The following ZFHX3 variants were observed in gnomAD, a reference collection of about 807,000 sequenced individuals.
ZFHX3 encodes zinc finger homeobox protein 3.
Under a neutral mutation model 279.1 loss-of-function variants are expected in ZFHX3, and 42 were observed. The observed-to-expected ratio is 0.15, with a 90% confidence interval of 0.12 to 0.19. The LOEUF (loss-of-function observed/expected upper bound fraction) is 0.19. ZFHX3 is among the 10% of genes least tolerant of loss of function. The pLI, the probability that ZFHX3 is intolerant of heterozygous loss-of-function variation, is 1.00. For synonymous variants in ZFHX3, 2,293 were observed against 1,957.8 expected (o/e 1.17, Z -4.52); for missense variants, 4,981 against 4,754.0 (o/e 1.05, Z -1.40).
At chr16:73,070,901 T>G (rs1235880500) in intron 8 of ZFHX3, among the ~76,000 whole-genome samples, 1 of 141,884 alleles carries the variant, frequency 7.0e-6, no homozygotes, top group African/African-American at 2.6e-5. Flanking sequence ...TGCGGGCTGG[T>G]TCCTAGACCG....
intron 2 of ZFHX3, among the ~76,000 whole-genome samples, chr16:73,567,188 A>T (rs780962680): frequency 2.0e-5 from 3 of 152,158 alleles, no homozygotes; most frequent in Non-Finnish European, 2.9e-5. Context: ...ATTGGACACT[A>T]ATCTCCTAAA....
chr16:73,800,128 G>T (rs1424253456), intron 1 of ZFHX3, among the ~76,000 whole-genome samples: 1 of 151,916 alleles, frequency 6.6e-6, no homozygotes. Flanking sequence ...CAAACATGAG[G>T]ATATTACAAC....
intron 1 of ZFHX3, among the ~76,000 whole-genome samples, chr16:73,849,503 G>A (rs1359311324): frequency 6.6e-6 from 1 of 152,106 alleles, no homozygotes; most frequent in Non-Finnish European, 1.5e-5. Context: ...GGATAACAGG[G>A]CCTGGTTTAA....
At chr16:73,751,243 GT>G (rs2053759288) in intron 1 of ZFHX3, among the ~76,000 whole-genome samples, 1 of 152,186 alleles carries the variant, frequency 6.6e-6, no homozygotes, top group Admixed American at 6.5e-5. Flanking sequence ...TTTGACAAAT[GT>G]TTATTCAACA....
intron 1 of ZFHX3, among the ~76,000 whole-genome samples, chr16:73,716,077 T>C (rs1474344842): frequency 6.6e-6 from 1 of 152,192 alleles, no homozygotes; most frequent in African/African-American, 2.4e-5. Flanking sequence ...TTGTGTTTCA[T>C]GGCAGTAATT....
chr16:73,757,184 A>C (rs1421372654), intron 1 of ZFHX3, among the ~76,000 whole-genome samples: 2 of 152,076 alleles, frequency 1.3e-5, no homozygotes, highest in Non-Finnish European at 2.9e-5. Context: ...AAAGGGAGGG[A>C]AGGGTTGCCT....
chr16:72,973,026 G>T (rs761554496), intron 1 of ZFHX3, among the ~76,000 whole-genome samples: 1 of 152,114 alleles, frequency 6.6e-6, no homozygotes, highest in Non-Finnish European at 1.5e-5. Flanking sequence ...CTACTTCTGC[G>T]GTTTCAATTA....
At chr16:72,913,537 A>T (rs1382089048) in intron 3 of ZFHX3, among the ~76,000 whole-genome samples, 2 of 152,188 alleles carry the variant, frequency 1.3e-5, no homozygotes, top group Non-Finnish European at 2.9e-5. Flanking sequence ...GCTATGTGAC[A>T]TCAACATGAC....
At chr16:72,880,946 T>C (rs1483526633) in intron 4 of ZFHX3, among the ~76,000 whole-genome samples, 2 of 152,202 alleles carry the variant, frequency 1.3e-5, no homozygotes, top group Non-Finnish European at 2.9e-5. Context: ...AAGACTGTTC[T>C]CCCAAACTGA....
intron 7 of ZFHX3, among the ~76,000 whole-genome samples, chr16:73,097,342 A>ACAG (rs1966178379): frequency 1.3e-5 from 2 of 149,720 alleles, no homozygotes; most frequent in African/African-American, 5.0e-5. Flanking sequence ...TGCTGGCCAT[A>ACAG]CAGGCATGAG....
At chr16:73,035,086 T>C (rs942736265) in intron 1 of ZFHX3, among the ~76,000 whole-genome samples, 2 of 152,162 alleles carry the variant, frequency 1.3e-5, no homozygotes, top group Non-Finnish European at 2.9e-5. Context: ...ACCGAGCCTG[T>C]GACATGTGGC....
intron 1 of ZFHX3, among the ~76,000 whole-genome samples, chr16:73,018,849 T>C (rs1182613460): frequency 1.3e-5 from 2 of 152,066 alleles, no homozygotes; most frequent in Non-Finnish European, 2.9e-5. Flanking sequence ...CATTCAAAGG[T>C]TACCCTCCCT....
intron 3 of ZFHX3, among the ~76,000 whole-genome samples, chr16:73,376,558 T>G (rs2016726564): frequency 6.6e-6 from 1 of 152,238 alleles, no homozygotes; most frequent in Admixed American, 6.5e-5. Flanking sequence ...GACTTTTTCA[T>G]GTTTGTTGTG....
At chr16:73,558,747 C>T in intron 2 of ZFHX3, among the ~76,000 whole-genome samples, 1 of 130,442 alleles carries the variant, frequency 7.7e-6, no homozygotes, top group Non-Finnish European at 1.6e-5. Flanking sequence ...CAGTCTCACT[C>T]TGTTGTGCAG....
intron 5 of ZFHX3, among the ~76,000 whole-genome samples, chr16:73,188,690 T>G (rs967855211): frequency 1.3e-5 from 2 of 152,126 alleles, no homozygotes; most frequent in Non-Finnish European, 2.9e-5. Context: ...TTTGCTACTG[T>G]TGGAAAGGTG....
intron 2 of ZFHX3, among the ~76,000 whole-genome samples, chr16:73,567,345 G>C (rs967949016): frequency 6.6e-6 from 1 of 152,078 alleles, no homozygotes; most frequent in Admixed American, 6.5e-5. Flanking sequence ...TCAATTTCAA[G>C]CATTCACAAC....
In ZFHX3 at chr16:73,824,124, C is replaced by T. The variant is rs116708970; in HGVS notation, c.-1608+67527G>A. Among the ~76,000 whole-genome samples, 396 of 152,208 alleles carry T rather than the reference C, an allele frequency of 2.6e-3. 4 individuals carry two copies. The highest frequency in any genetic ancestry group is 8.4e-3 in the African/African-American group (351 of 41,540). ...AAACACTAAATAAACAAAGTTGAAC[C>T]GGCTTCCCTACTGCAGGACTTACCA... On this transcript the variant is annotated intron_variant, in intron 1 of 17. Transcript: ENST00000641206.
Position 73,278,730 on chromosome 16 carries a change from T to G in ZFHX3, c.-1193-21594A>C, listed in dbSNP as rs556339458. Among the ~76,000 whole-genome samples the G allele has an allele frequency of 2.8e-4, 43 of 152,366 alleles. No homozygotes were observed. In the East Asian group the frequency reaches 3.7e-3, roughly 13 times the overall value. On this transcript the variant is annotated intron_variant, in intron 4 of 17. Transcript: ENST00000641206. ...CTGATTGGTGCGTTTTACAGAGCAC[T>G]GATTGGTGCATTTTACAGGGCACTG...
intron 1 of ZFHX3, among the ~76,000 whole-genome samples, chr16:73,781,927 C>A (rs1348716732): frequency 6.6e-6 from 1 of 152,108 alleles, no homozygotes; most frequent in African/African-American, 2.4e-5. Context: ...GTGGAGGTTG[C>A]AGTGAGCTGA....
Sources: allele counts gnomAD v4.1 joint callset (sites outside exome capture counted in the v4.1 genomes callset), GRCh38; gene constraint gnomAD v4.1.1; transcripts MANE v1.5; gene names NCBI Gene and HGNC (gene_info 2026-07-23, HGNC 2026-07-21).